The following SERAC1 variants were observed in gnomAD, a reference collection of about 807,000 sequenced individuals.
The protein encoded by SERAC1 is serine active site containing 1, also known as protein SERAC1.
A neutral mutation model predicts 85.7 loss-of-function variants in SERAC1; 36 were observed. That is an observed-to-expected ratio of 0.42 (90% CI 0.32 to 0.55). The LOEUF is 0.55. Ranked by LOEUF, SERAC1 falls within the 20% of genes least tolerant of loss-of-function variation. The pLI, the probability that SERAC1 is intolerant of heterozygous loss-of-function variation, is 0.11. For synonymous variants in SERAC1, 242 were observed against 265.3 expected, an observed-to-expected ratio of 0.91 and a Z score of 0.85; for missense variants, 629 against 796.2, an observed-to-expected ratio of 0.79 and a Z score of 2.53.
intron 10 of SERAC1, among the ~76,000 whole-genome samples, chr6:158,125,468 A>G (rs1330725188): frequency 6.6e-6 from 1 of 152,198 alleles, no homozygotes; most frequent in Non-Finnish European, 1.5e-5. Flanking sequence ...CCCAGCCTCC[A>G]GAACTGAGAC....
intron 6 of SERAC1, chr6:158,146,541 TG>T: frequency 6.2e-6 from 2 of 323,534 alleles, no homozygotes; most frequent in Non-Finnish European, 1.2e-5. Flanking sequence ...CTCGAGTAGC[TG>T]GGACTACAGA....
At position 158,146,769 on chromosome 6, in the gene SERAC1, G is replaced by T; in HGVS notation, c.487+13C>A. 1 of 1,612,884 alleles carries T rather than the reference G, an allele frequency of 6.2e-7. No individual in the cohort carries two copies. The highest frequency in any genetic ancestry group is 8.5e-7 in the Non-Finnish European group (1 of 1,179,256). ...AGCTGAAGGCATGCCACCTGTTCAG[G>T]TAGTCTCATTACCATGCCAGTGATG... On this transcript the variant is annotated intron_variant, in intron 6 of 16. Coordinates refer to ENST00000647468, the MANE Select transcript of SERAC1 (RefSeq NM_032861.4).
Position 158,117,359 on chromosome 6 carries a change from T to C in SERAC1, c.1403+368A>G, listed in dbSNP as rs796418829. 65 of 675,080 alleles carry C rather than the reference T, an allele frequency of 9.6e-5. No individual in the cohort carries two copies. Among genetic ancestry groups the C allele is most frequent in the African/African-American group, 3.6e-4 (20 of 55,212 alleles). 41.8% of individuals were successfully genotyped at this position (675,080 alleles called of 1,614,324 possible). On this transcript the variant is annotated intron_variant, in intron 13 of 16. Transcript: ENST00000647468. The surrounding 1 kb of genome is among the most constrained non-coding windows in gnomAD (Gnocchi z 4.3). ...CATACAAGGGAAATAGCAGCTGATA[T>C]TTCTCAGCATCTTTCTCTTTGCTTC...
rs200359932 is a variant in SERAC1 at position 158,145,695 on chromosome 6, A to AT, written c.487+1086dup. 9.6e-3 allele frequency among the ~76,000 whole-genome samples: 1,447 copies of AT among 151,362 alleles called. 24 individuals are homozygous for AT. Among genetic ancestry groups the AT allele is most frequent in the African/African-American group, 0.033 (1,348 of 41,262 alleles). Reference sequence around the variant, plus strand: ...CACCATGCCCAGCTAAATTTTTTCTATTTTTTTAGTAGAGACAGGGTTTTG... The same window carrying AT: ...CACCATGCCCAGCTAAATTTTTTCTATTTTTTTTAGTAGAGACAGGGTTTTG... On this transcript the variant is annotated intron_variant, in intron 6 of 16. Coordinates refer to ENST00000647468, the MANE Select transcript of SERAC1 (RefSeq NM_032861.4).
chr6:158,136,934 C>A (rs914584553), intron 8 of SERAC1, among the ~76,000 whole-genome samples: 2 of 152,024 alleles, frequency 1.3e-5, no homozygotes, highest in African/African-American at 2.4e-5. Flanking sequence ...CCAAGGCAGG[C>A]GGATCACGAG....
chr6:158,113,738 A>G (rs1784203915), intron 15 of SERAC1, 146 bp from the exon 16 acceptor site: 2 of 720,934 alleles, frequency 2.8e-6, no homozygotes, highest in Non-Finnish European at 4.4e-6. Context: ...TCCCCTGCCA[A>G]GAAGCCACTA....
chr6:158,120,619 C>T lies in SERAC1; in HGVS notation c.1016-44G>A, dbSNP rs764468858. On this transcript the variant is annotated intron_variant, in intron 10 of 16. Coordinates refer to ENST00000647468, the MANE Select transcript of SERAC1 (RefSeq NM_032861.4). This position sits in a 1 kb window ranked among gnomAD's most constrained non-coding sequence, Gnocchi z 4.4. ...ATCCTAAATACTGATGTGAATCCAT[C>T]GCAGACCACAGAGAGAGTGAGGTTT... is the stretch of plus-strand genomic sequence containing the variant. 4 of 1,592,460 alleles carry T rather than the reference C, an allele frequency of 2.5e-6. No homozygotes were observed. Among genetic ancestry groups the T allele is most frequent in the South Asian group, 1.1e-5 (1 of 88,642 alleles).
chr6:158,147,776 A>G (rs1273957095), intron 5 of SERAC1, among the ~76,000 whole-genome samples: 2 of 100,476 alleles, frequency 2.0e-5, no homozygotes, highest in African/African-American at 6.4e-5. Context: ...CTCAAAAAAA[A>G]AAAAAAAAAA....
intron 10 of SERAC1, among the ~76,000 whole-genome samples, chr6:158,122,494 A>T (rs1784445774): frequency 6.6e-6 from 1 of 152,196 alleles, no homozygotes; most frequent in Admixed American, 6.5e-5. Context: ...TTAAACACAT[A>T]CAATGGGCCA....
intron 2 of SERAC1, among the ~76,000 whole-genome samples, chr6:158,157,595 T>G (rs1299536554): frequency 6.6e-6 from 1 of 152,238 alleles, no homozygotes; most frequent in East Asian, 1.9e-4. Context: ...TAAAAGATGT[T>G]CTACGCCAAT....
intron 3 of SERAC1, among the ~76,000 whole-genome samples, chr6:158,152,426 G>A (rs1337018525): frequency 6.6e-6 from 1 of 152,124 alleles, no homozygotes; most frequent in Non-Finnish European, 1.5e-5. Flanking sequence ...TGAGACAGGA[G>A]AATTGCTTGA....
chr6:158,151,559 C>G (rs1785205406), intron 3 of SERAC1, among the ~76,000 whole-genome samples: 2 of 152,030 alleles, frequency 1.3e-5, no homozygotes. Flanking sequence ...GTAGCTGGGA[C>G]TACAGGCGCC....
At chr6:158,153,171 G>A (rs1785246515) in intron 3 of SERAC1, among the ~76,000 whole-genome samples, 1 of 152,126 alleles carries the variant, frequency 6.6e-6, no homozygotes, top group Non-Finnish European at 1.5e-5. Flanking sequence ...TTAAACAACA[G>A]AGCTTAGTTT....
Position 158,120,876 on chromosome 6 carries a change from G to A in SERAC1, c.1016-301C>T, listed in dbSNP as rs1419670985. On this transcript the variant is annotated intron_variant, in intron 10 of 16. Coordinates refer to ENST00000647468, the MANE Select transcript of SERAC1 (RefSeq NM_032861.4). The surrounding 1 kb of genome is among the most constrained non-coding windows in gnomAD (Gnocchi z 4.4). ...TAGAGGTGTTCATAGCAGTTATAGAGGTGTTCACAAAAGTGAACAAAATAC... is the reference window on the plus strand; with the variant it reads ...TAGAGGTGTTCATAGCAGTTATAGAAGTGTTCACAAAAGTGAACAAAATAC... Among the ~76,000 whole-genome samples, 2 of 152,044 alleles carry A rather than the reference G, an allele frequency of 1.3e-5. No individual in the cohort carries two copies. Among genetic ancestry groups the A allele is most frequent in the Non-Finnish European group, 2.9e-5 (2 of 68,022 alleles).
intron 1 of SERAC1, chr6:158,161,718 G>A (rs1433279429): frequency 1.3e-5 from 2 of 151,672 alleles, no homozygotes; most frequent in Non-Finnish European, 2.9e-5. Context: ...AACTGCTAGA[G>A]GTAGCAAACA....
rs780275814 is a variant in SERAC1, at chr6:158,117,779, C to CAGAT, written c.1347_1350dup (p.Val451IlefsTer5). ...TCGCTGAGGCTGGTGTCATACTCCACAGATATAATTCGGAGAGCAGGACAG... is the reference window on the plus strand; with the variant it reads ...TCGCTGAGGCTGGTGTCATACTCCACAGATAGATATAATTCGGAGAGCAGGACAG... On this transcript the variant is annotated frameshift_variant, in exon 13 of 17. Coordinates refer to ENST00000647468, the MANE Select transcript of SERAC1 (RefSeq NM_032861.4). LOFTEE classifies it high-confidence loss of function. This position sits in a 1 kb window ranked among gnomAD's most constrained non-coding sequence, Gnocchi z 4.3. 6 of 1,614,046 alleles carry CAGAT rather than the reference C, an allele frequency of 3.7e-6. No homozygotes were observed. In the African/African-American group the frequency reaches 8.0e-5, roughly 22 times the overall value.
chr6:158,124,912 C>T (rs1784506666), intron 10 of SERAC1, among the ~76,000 whole-genome samples: 1 of 152,050 alleles, frequency 6.6e-6, no homozygotes, highest in South Asian at 2.1e-4. Context: ...GGACCCAATA[C>T]ACAAGAAATA....
chr6:158,131,358 A>G (rs2758272), intron 8 of SERAC1, among the ~76,000 whole-genome samples: 8,674 of 147,202 alleles, frequency 0.059, 349 homozygotes, highest in Non-Finnish European at 0.086. Flanking sequence ...ATACTAATAT[A>G]CTATATATTT....
intron 7 of SERAC1, among the ~76,000 whole-genome samples, 153 bp from the exon 8 acceptor site, chr6:158,143,337 CTCTCTCTCTCTATATATATATATA>C (rs1339597021): frequency 2.2e-3 from 66 of 30,606 alleles, no homozygotes; most frequent in South Asian, 4.7e-3. Context: ...CTCTCTCTCT[CTCTCTCTCTCTATATATATATATA>C]TATATATATA....
Sources: gnomAD v4.1 joint callset for allele counts (sites outside exome capture counted in the v4.1 genomes callset) on GRCh38, gnomAD v4.1.1 for gene constraint, Gnocchi (gnomAD v3.1) non-coding constraint, MANE v1.5 for transcripts, NCBI Gene and HGNC (gene_info 2026-07-23, HGNC 2026-07-21) for gene names.